The following CHM variants were observed in gnomAD, a reference collection of about 807,000 sequenced individuals.
CHM encodes the protein CHM Rab escort protein, also known as rab proteins geranylgeranyltransferase component A 1.
A neutral mutation model predicts 49.0 loss-of-function variants in CHM; 10 were observed. That is an observed-to-expected ratio of 0.20 (90% CI 0.13 to 0.35). CHM has a LOEUF of 0.35. CHM is among the 10% of genes least tolerant of loss of function. CHM has a pLI of 1.00. For missense variants in CHM, 455 were observed against 478.4 expected (o/e 0.95, Z 0.46); for synonymous variants, 184 against 167.5 (o/e 1.10, Z -0.76).
chrX:85,965,468 G>A (rs1930526133), intron 4 of CHM, among the ~76,000 whole-genome samples: 1 of 110,873 alleles, frequency 9.0e-6, no homozygotes, highest in South Asian at 3.8e-4. Context: ...CCTTAGCACC[G>A]CTCCTTCTGT....
chrX:85,935,074 G>A (rs1928701372), intron 8 of CHM, among the ~76,000 whole-genome samples: 1 of 111,744 alleles, frequency 8.9e-6, no homozygotes, highest in Admixed American at 9.5e-5. Context: ...TCCACAGGCT[G>A]TTCAAGAAAC....
chrX:85,903,051 C>T (rs1926378989), intron 9 of CHM, among the ~76,000 whole-genome samples: 1 of 111,324 alleles, frequency 9.0e-6, no homozygotes, highest in South Asian at 3.7e-4. Context: ...ATATTGAGCT[C>T]CAGGTAATAA....
intron 2 of CHM, among the ~76,000 whole-genome samples, chrX:86,005,740 A>G (rs1932838661): frequency 8.9e-6 from 1 of 111,961 alleles, no homozygotes. Context: ...GAATAGACCA[A>G]TAACAGGCTC....
At chrX:85,947,137 T>C (rs1371322622) in intron 8 of CHM, among the ~76,000 whole-genome samples, 1 of 112,386 alleles carries the variant, frequency 8.9e-6, no homozygotes, top group Non-Finnish European at 1.9e-5. Flanking sequence ...AATGCTGGAA[T>C]GAGTTAAGAT....
intron 12 of CHM, among the ~76,000 whole-genome samples, chrX:85,889,128 A>G (rs56887355): frequency 0.072 from 8,032 of 111,640 alleles, 674 homozygotes; most frequent in African/African-American, 0.25. Flanking sequence ...ATGGAAAAAT[A>G]ATTTACAAAA....
At chrX:85,902,773 C>A (rs1045222627) in intron 9 of CHM, among the ~76,000 whole-genome samples, 4 of 111,845 alleles carry the variant, frequency 3.6e-5, no homozygotes, top group Admixed American at 9.5e-5. Context: ...GTGCTTCAGG[C>A]AATTGAGAAG....
intron 8 of CHM, among the ~76,000 whole-genome samples, chrX:85,948,079 T>TA (rs199813773): frequency 2.2e-4 from 24 of 107,078 alleles, no homozygotes; most frequent in East Asian, 5.8e-4. Flanking sequence ...CATCTACACA[T>TA]AAAAAAAAAA....
Position 85,981,804 on chromosome X carries a change from C to T in CHM, c.122G>A (p.Ser41Asn), listed in dbSNP as rs1931628939. The change falls in exon 3 of 15, where the codon AGC (serine) becomes AAC (asparagine). Residue 41 changes from serine to asparagine, a missense_variant. Coordinates refer to ENST00000357749, the MANE Select transcript of CHM (RefSeq NM_000390.4). ...GRRVLHVDSRSYYGGNWASFS... is the reference protein window; with the variant it reads ...GRRVLHVDSRNYYGGNWASFS... ...ACTGGCCCAGTTTCCTCCATAGTAG[C>T]TTCTTCTGTAACAATTAAAAAAAAA... The T allele has an allele frequency of 8.8e-7, 1 of 1,133,200 alleles. No individual in the cohort carries two copies. 93.4% of individuals were successfully genotyped at this position (1,133,200 alleles called of 1,213,427 possible).
chrX:85,919,122 A>C (rs1208401607), intron 8 of CHM, among the ~76,000 whole-genome samples: 1 of 112,538 alleles, frequency 8.9e-6, no homozygotes, highest in East Asian at 2.8e-4. Context: ...AAAGAGCATT[A>C]GATAAAACTT....
intron 12 of CHM, among the ~76,000 whole-genome samples, chrX:85,882,256 G>A (rs1924809360): frequency 9.0e-6 from 1 of 111,706 alleles, no homozygotes; most frequent in South Asian, 3.7e-4. Flanking sequence ...ATTCAATTAT[G>A]TAAAATACTT....
At chrX:85,935,495 A>G (rs551841990) in intron 8 of CHM, among the ~76,000 whole-genome samples, 5 of 112,076 alleles carry the variant, frequency 4.5e-5, no homozygotes, top group African/African-American at 1.6e-4. Context: ...CCTAGCTGAC[A>G]TGACCTATGA....
chrX:85,888,460 T>C (rs893650010), intron 12 of CHM, among the ~76,000 whole-genome samples: 2 of 111,715 alleles, frequency 1.8e-5, no homozygotes, highest in African/African-American at 6.5e-5. Flanking sequence ...CTTTGAGACT[T>C]CCACATCCAG....
chrX:85,947,545 T>C (rs1929483473), intron 8 of CHM, among the ~76,000 whole-genome samples: 1 of 111,273 alleles, frequency 9.0e-6, no homozygotes, highest in African/African-American at 3.3e-5. Flanking sequence ...AGTACCATGC[T>C]CCCTGTAAAT....
chrX:85,955,456 A>C (rs1929961513), intron 8 of CHM, among the ~76,000 whole-genome samples: 1 of 112,309 alleles, frequency 8.9e-6, no homozygotes, highest in Admixed American at 9.4e-5. Flanking sequence ...TGAAGATAAA[A>C]CATGAATGGC....
chrX:85,943,789 T>C (rs1929256705), intron 8 of CHM, among the ~76,000 whole-genome samples: 1 of 111,677 alleles, frequency 9.0e-6, no homozygotes, highest in African/African-American at 3.3e-5. Flanking sequence ...TATTAGAAAA[T>C]CTGGTTTCTA....
At chrX:85,946,600 G>T (rs5968726) in intron 8 of CHM, among the ~76,000 whole-genome samples, 25,302 of 111,297 alleles carry the variant, frequency 0.23, 2,166 homozygotes, top group Middle Eastern at 0.26. Flanking sequence ...AGCCTCCACC[G>T]GGATTTCAGA....
At chrX:86,009,056 C>G (rs879186057) in intron 2 of CHM, among the ~76,000 whole-genome samples, 5 of 111,919 alleles carry the variant, frequency 4.5e-5, no homozygotes, top group Admixed American at 1.9e-4. Context: ...GAACAGTAAG[C>G]TTTCTTCAAC....
At chrX:85,969,212 T>G (rs1603265715) in intron 4 of CHM, 1 of 737,309 alleles carries the variant, frequency 1.4e-6, no homozygotes, top group East Asian at 1.5e-4. Flanking sequence ...GAAACAACGT[T>G]CAGTACAATG....
intron 8 of CHM, among the ~76,000 whole-genome samples, chrX:85,939,931 T>G (rs1929009165): frequency 1.8e-5 from 2 of 111,846 alleles, no homozygotes; most frequent in South Asian, 3.7e-4. Flanking sequence ...CAAGAAAATT[T>G]TATTCCTCCT....
Sources: allele counts gnomAD v4.1 joint callset (sites outside exome capture counted in the v4.1 genomes callset), GRCh38; gene constraint gnomAD v4.1.1; transcripts MANE v1.5; gene names NCBI Gene and HGNC (gene_info 2026-07-23, HGNC 2026-07-21).